ABCA13: variants seen among roughly 807,000 people sequenced by gnomAD.
ABCA13 encodes the protein ATP binding cassette subfamily A member 13.
ABCA13 carries 476 observed loss-of-function variants against 478.7 expected under a neutral mutation model. That is an observed-to-expected ratio of 0.99 (90% CI 0.92 to 1.07). The LOEUF is 1.07. Ranked by LOEUF, ABCA13 falls within the 50% of genes least tolerant of loss-of-function variation. The pLI is 0.00. For missense variants in ABCA13, 6,060 were observed against 5,910.6 expected, an observed-to-expected ratio of 1.03 and a Z score of -0.83; for synonymous variants, 2,252 against 2,158.9, an observed-to-expected ratio of 1.04 and a Z score of -1.20.
Position 48,272,050 on chromosome 7 carries a change from A to C in ABCA13, c.2384A>C (p.Glu795Ala). ...GCCACTGATGCTCAGAAACTCTTGG[A>C]ATTTGGCAACGAAGTGATTTGGAAA... ...PSATDAQKLL[E>A]FGNEVIWKMQ... The change falls in exon 17 of 62, where the codon GAA (glutamate) becomes GCA (alanine). Residue 795 changes from glutamate to alanine, a missense_variant. Glu to Ala is a moderately radical substitution (Grantham distance 107, BLOSUM62 -1). Around this residue, in one of 3 missense-constraint regions of ABCA13, gnomAD observed 4,423 missense variants for 4,309.1 expected, o/e 1.03. Coordinates refer to ENST00000435803, the MANE Select transcript of ABCA13 (RefSeq NM_152701.5). The C allele has an allele frequency of 6.2e-7, 1 of 1,613,770 alleles. No individual in the cohort carries two copies. The highest frequency in any genetic ancestry group is 2.2e-5 in the East Asian group (1 of 44,864).
rs555935052 is a variant in ABCA13, at chr7:48,274,837, A to T, written c.5171A>T (p.Asn1724Ile). 6.2e-7 allele frequency: 1 copy of T among 1,613,930 alleles called. No homozygotes were observed. Among genetic ancestry groups the T allele is most frequent in the East Asian group, 2.2e-5 (1 of 44,876 alleles). ...EKFADSSHSW[N>I]VNHLLQLSRL... ...TTTGCAGACAGCTCACATTCTTGGA[A>T]TGTTAATCATCTGCTGCAGCTCTCA... is the stretch of plus-strand genomic sequence containing the variant. The change falls in exon 17 of 62, where the codon AAT (asparagine) becomes ATT (isoleucine). Residue 1724 changes from asparagine (N) to isoleucine (I), a missense_variant. Asn to Ile is a moderately radical substitution (Grantham distance 149). This residue lies in a region of ABCA13 where 4,423 missense variants were observed against 4,309.1 expected (regional missense o/e 1.03). Coordinates refer to ENST00000435803, the MANE Select transcript of ABCA13 (RefSeq NM_152701.5).
At position 48,634,433 on chromosome 7, in the gene ABCA13, T is replaced by C. The variant is rs1232309667; in HGVS notation, c.14838-8855T>C. Among the ~76,000 whole-genome samples, 4 of 152,350 alleles carry C rather than the reference T, an allele frequency of 2.6e-5. No homozygotes were observed. The East Asian group carries it at 7.7e-4, about 29-fold the overall frequency. ...AACCATCAAGGATGGCTTGTTTTTG[T>C]AAGGTCAGCAGTAATGCTTTCTCTT... On this transcript the variant is annotated intron_variant, in intron 59 of 61. Coordinates refer to ENST00000435803, the MANE Select transcript of ABCA13 (RefSeq NM_152701.5).
chr7:48,209,604 T>C (rs1162845405), intron 3 of ABCA13, among the ~76,000 whole-genome samples: 1 of 152,196 alleles, frequency 6.6e-6, no homozygotes, highest in Non-Finnish European at 1.5e-5. Context: ...GTTGCATGTA[T>C]CTAGGAATTT....
chr7:48,321,055 C>T (rs970681955), intron 27 of ABCA13, among the ~76,000 whole-genome samples: 2 of 152,154 alleles, frequency 1.3e-5, no homozygotes, highest in Admixed American at 6.5e-5. Context: ...CAGATGTCAC[C>T]TCAGAAAGAG....
At position 48,589,995 on chromosome 7, in the gene ABCA13, A is replaced by G. The variant is rs150820339; in HGVS notation, c.14640+2707A>G. Among the ~76,000 whole-genome samples, 21 of 152,296 alleles carry G rather than the reference A, an allele frequency of 1.4e-4. No homozygotes were observed. The East Asian group carries it at 3.7e-3, about 27-fold the overall frequency. On this transcript the variant is annotated intron_variant, in intron 57 of 61. Transcript: ENST00000435803. Reference sequence around the variant, plus strand: ...CTGTAGGGGACAAAACATCCAAACTATAGCAGCCCTATATCCTGTATATTA... The same window carrying G: ...CTGTAGGGGACAAAACATCCAAACTGTAGCAGCCCTATATCCTGTATATTA...
At chr7:48,480,059 C>T (rs1828597342) in intron 45 of ABCA13, among the ~76,000 whole-genome samples, 1 of 152,200 alleles carries the variant, frequency 6.6e-6, no homozygotes. Context: ...TTACATTTCT[C>T]TCACCTGAGT....
chr7:48,644,614 TA>T lies in ABCA13; in HGVS notation c.14944-2del. 1 of 1,593,348 alleles carries T rather than the reference TA, an allele frequency of 6.3e-7. No individual in the cohort carries two copies. Among genetic ancestry groups the T allele is most frequent in the Admixed American group, 1.7e-5 (1 of 57,234 alleles). ...CTTTTTTTTTTTTTTTTTTTGCTTT[TA>T]GGGACAGCACCTGAATTTATTAGAA... On this transcript the variant is annotated splice_acceptor_variant, in intron 60 of 61. Coordinates refer to ENST00000435803, the MANE Select transcript of ABCA13 (RefSeq NM_152701.5). LOFTEE classifies it high-confidence loss of function.
Position 48,280,004 on chromosome 7 carries a change from G to A in ABCA13, c.8726+84G>A, listed in dbSNP as rs950564595. The A allele has an allele frequency of 2.2e-6, 3 of 1,335,332 alleles. No homozygotes were observed. The African/African-American group carries it at 4.5e-5, about 20-fold the overall frequency. The allele number at this position is 1,335,332 out of a possible 1,614,324, so 82.7% of individuals were successfully genotyped here. ...AACCATGCAGGAATTACAGTGAATC[G>A]GGGTAAGTAGTTCTTCTTGACTTCA... On this transcript the variant is annotated intron_variant, in intron 18 of 61. Transcript: ENST00000435803.
intron 5 of ABCA13, among the ~76,000 whole-genome samples, chr7:48,226,469 CTGTT>C (rs926391339): frequency 2.0e-5 from 3 of 152,128 alleles, no homozygotes; most frequent in Non-Finnish European, 4.4e-5. Flanking sequence ...GCTTCTTTTT[CTGTT>C]TGTTTGTTTT....
intron 55 of ABCA13, among the ~76,000 whole-genome samples, chr7:48,529,554 C>T (rs150912847): frequency 3.0e-4 from 45 of 152,244 alleles, no homozygotes; most frequent in African/African-American, 9.9e-4. Flanking sequence ...GTTTCTGATC[C>T]GCAGAGATAT....
chr7:48,528,833 T>A (rs775110409), intron 55 of ABCA13, among the ~76,000 whole-genome samples: 18 of 152,090 alleles, frequency 1.2e-4, no homozygotes, highest in Non-Finnish European at 1.9e-4. Flanking sequence ...GAAAGCGGCC[T>A]CTAGGGGAGT....
intron 48 of ABCA13, among the ~76,000 whole-genome samples, chr7:48,490,434 AAGGTAATAATGGGGCCATGACTGGATTCT>A (rs1829738697): frequency 6.6e-6 from 1 of 152,190 alleles, no homozygotes; most frequent in Admixed American, 6.6e-5. Flanking sequence ...GGCTCTGAGC[AAGGTAATAATGGGGCCATGACTGGATTCT>A]AGGTCTAGCT....
chr7:48,312,417 C>G (rs1032118981), intron 24 of ABCA13, among the ~76,000 whole-genome samples: 6 of 151,726 alleles, frequency 4.0e-5, no homozygotes, highest in Non-Finnish European at 8.8e-5. Context: ...AGAAGAAAAG[C>G]CTTGCCTCCA....
Position 48,272,767 on chromosome 7 carries a change from T to A in ABCA13, c.3101T>A (p.Leu1034His). The A allele has an allele frequency of 6.2e-7, 1 of 1,606,912 alleles. No homozygotes were observed. Residue 1034 changes from leucine (L) to histidine (H), a missense_variant, in exon 17 of 62, where the codon CTT becomes CAT. Transcript: ENST00000435803. ...AATGTATCTTACTGTCAGCAATTGC[T>A]TTCAATTTTTAACTTTTTGGAGCTT... Reference protein sequence around the residue: ...ISNVSYCQQLLSIFNFLELQA... With the variant: ...ISNVSYCQQLHSIFNFLELQA...
chr7:48,433,023 C>T (rs895772603), intron 42 of ABCA13, among the ~76,000 whole-genome samples: 10 of 151,912 alleles, frequency 6.6e-5, no homozygotes, highest in African/African-American at 2.4e-4. Context: ...GGTTTAGCCG[C>T]TTCACAAGGT....
intron 5 of ABCA13, among the ~76,000 whole-genome samples, chr7:48,223,158 G>T (rs996835331): frequency 6.6e-6 from 1 of 152,152 alleles, no homozygotes; most frequent in African/African-American, 2.4e-5. Context: ...CTGAGGTGGG[G>T]AAAGACTGAA....
At chr7:48,544,802 A>G (rs1020455611) in intron 55 of ABCA13, among the ~76,000 whole-genome samples, 1 of 151,940 alleles carries the variant, frequency 6.6e-6, no homozygotes, top group Non-Finnish European at 1.5e-5. Flanking sequence ...TCAGAAGCTC[A>G]GGTAAAACAA....
intron 7 of ABCA13, 68 bp from the exon 8 acceptor site, chr7:48,233,950 C>G: frequency 6.5e-7 from 1 of 1,547,642 alleles, no homozygotes; most frequent in Non-Finnish European, 8.8e-7. Flanking sequence ...TATTTTTTTT[C>G]TGGATTACAT....
chr7:48,414,870 G>T (rs17729627), intron 41 of ABCA13, among the ~76,000 whole-genome samples: 1 of 151,986 alleles, frequency 6.6e-6, no homozygotes, highest in Non-Finnish European at 1.5e-5. Flanking sequence ...GTCAAAAATG[G>T]TAATGGCTTT....
Sources: gnomAD v4.1 joint callset for allele counts (sites outside exome capture counted in the v4.1 genomes callset) on GRCh38, gnomAD v4.1.1 for gene constraint, gnomAD v4.1.1 regional missense constraint, MANE v1.5 for transcripts, NCBI Gene and HGNC (gene_info 2026-07-23, HGNC 2026-07-21) for gene names.